FRY: variants seen among roughly 807,000 people sequenced by gnomAD.
The protein encoded by FRY is FRY microtubule binding protein.
Under a neutral mutation model 348.4 loss-of-function variants are expected in FRY, and 128 were observed. The observed-to-expected ratio is 0.37, with a 90% CI of 0.32 to 0.43. The LOEUF is 0.43. FRY is among the 20% of genes least tolerant of loss of function. FRY has a pLI of 1.00. For synonymous variants in FRY, 1,370 were observed against 1,374.7 expected (o/e 1.00, Z 0.08); for missense variants, 2,736 against 3,695.2 (o/e 0.74, Z 6.73).
At chr13:32,251,795 C>A in intron 49 of FRY, 83 bp from the exon 50 acceptor site, 2 of 828,146 alleles carry the variant, frequency 2.4e-6, no homozygotes, top group Non-Finnish European at 2.2e-6. Flanking sequence ...GTGCTATTGC[C>A]CTGTATGGCT....
chr13:32,165,914 C>T lies in FRY; in HGVS notation c.1892+4663C>T, dbSNP rs145364819. On this transcript the variant is annotated intron_variant, in intron 17 of 60. Coordinates refer to ENST00000542859, the MANE Select transcript of FRY (RefSeq NM_023037.3). ...ACATGTCCTGACTTGTTCAGTAGCA[C>T]CCTTGTCTGAGCAGCACGTGCCCTT... Among the ~76,000 whole-genome samples the T allele has an allele frequency of 2.3e-3, 355 of 152,302 alleles. 1 individual carries two copies. The highest frequency in any genetic ancestry group is 8.2e-3 in the African/African-American group (341 of 41,576).
At chr13:32,196,596 G>T (rs572907031) in intron 29 of FRY, among the ~76,000 whole-genome samples, 3 of 151,982 alleles carry the variant, frequency 2.0e-5, no homozygotes, top group African/African-American at 4.8e-5. Context: ...GTGTGTGTGT[G>T]CATGTGTTGT....
At chr13:32,266,148 A>G (rs1052269951) in intron 54 of FRY, among the ~76,000 whole-genome samples, 7 of 152,216 alleles carry the variant, frequency 4.6e-5, no homozygotes, top group Admixed American at 3.3e-4. Context: ...TAATAATGCT[A>G]CAGATCTACT....
chr13:32,196,245 G>A (rs1351903761), intron 29 of FRY, among the ~76,000 whole-genome samples: 1 of 152,126 alleles, frequency 6.6e-6, no homozygotes, highest in Non-Finnish European at 1.5e-5. Context: ...ATTTTCTAAA[G>A]CAAAGAATTC....
intron 2 of FRY, among the ~76,000 whole-genome samples, chr13:32,088,264 T>C (rs1430366393): frequency 6.6e-6 from 1 of 152,204 alleles, no homozygotes; most frequent in Non-Finnish European, 1.5e-5. Context: ...TTGAGTGTAG[T>C]GATAGAATCA....
At chr13:32,226,631 A>G (rs1885598399) in intron 39 of FRY, among the ~76,000 whole-genome samples, 1 of 152,224 alleles carries the variant, frequency 6.6e-6, no homozygotes, top group Admixed American at 6.5e-5. Context: ...ATTACCAACT[A>G]ACAGAGTTCA....
At chr13:32,253,107 A>C (rs1413281427) in intron 50 of FRY, among the ~76,000 whole-genome samples, 1 of 152,192 alleles carries the variant, frequency 6.6e-6, no homozygotes, top group Non-Finnish European at 1.5e-5. Context: ...CCTGGAGTAC[A>C]TTACAAATAA....
intron 36 of FRY, among the ~76,000 whole-genome samples, chr13:32,222,889 A>G (rs1470581958): frequency 6.6e-6 from 1 of 152,144 alleles, no homozygotes. Context: ...TTATTTGGGT[A>G]TGGGATATGA....
chr13:32,205,530 G>T (rs1884304836), intron 31 of FRY, among the ~76,000 whole-genome samples: 1 of 152,178 alleles, frequency 6.6e-6, no homozygotes, highest in African/African-American at 2.4e-5. Context: ...AACATAACGT[G>T]CAGGAACAGG....
At position 32,155,423 on chromosome 13, in the gene FRY, A is replaced by G. The variant is rs996028460; in HGVS notation, c.1480-68A>G. On this transcript the variant is annotated intron_variant, in intron 14 of 60. Coordinates refer to ENST00000542859, the MANE Select transcript of FRY (RefSeq NM_023037.3). ...CAATTCAGTCTTAACTATCTGAAAG[A>G]CTTATGGATGTATTCCACTACAATA... 3.6e-6 allele frequency: 4 copies of G among 1,124,460 alleles called. No individual in the cohort carries two copies. The South Asian group carries it at 3.7e-5, about 10-fold the overall frequency. 69.7% of individuals were successfully genotyped at this position (1,124,460 alleles called of 1,614,324 possible). A position where few individuals can be genotyped will look rare whatever the true frequency, so the allele number is the denominator to read the frequency against.
At chr13:32,141,252 A>T (rs1324373060) in intron 11 of FRY, among the ~76,000 whole-genome samples, 2 of 152,228 alleles carry the variant, frequency 1.3e-5, no homozygotes, top group Non-Finnish European at 2.9e-5. Context: ...TTTAGAGATT[A>T]TCCTAAACTG....
chr13:32,176,112 G>A (rs879607255), intron 20 of FRY, among the ~76,000 whole-genome samples: 1 of 152,188 alleles, frequency 6.6e-6, no homozygotes, highest in Non-Finnish European at 1.5e-5. Context: ...CCAGGGTCAA[G>A]TCTGGGCTCT....
chr13:32,063,147 T>C (rs1874045068), intron 1 of FRY, among the ~76,000 whole-genome samples: 1 of 152,250 alleles, frequency 6.6e-6, no homozygotes, highest in Admixed American at 6.5e-5. Context: ...TAACTTTAAT[T>C]TGCGATGTTT....
chr13:32,100,334 C>T (rs1160765710), intron 2 of FRY, among the ~76,000 whole-genome samples: 1 of 151,956 alleles, frequency 6.6e-6, no homozygotes, highest in Non-Finnish European at 1.5e-5. Flanking sequence ...CCGCCTCGGC[C>T]TCCCAAAGTG....
intron 14 of FRY, among the ~76,000 whole-genome samples, chr13:32,153,906 T>A (rs373288456): frequency 6.6e-6 from 1 of 152,160 alleles, no homozygotes; most frequent in African/African-American, 2.4e-5. Flanking sequence ...AGAGTTGTGA[T>A]GAACTATATG....
chr13:32,248,312 C>T (rs1200876451), intron 48 of FRY, among the ~76,000 whole-genome samples: 1 of 151,922 alleles, frequency 6.6e-6, no homozygotes, highest in Admixed American at 6.6e-5. Flanking sequence ...TGTTCTCACT[C>T]ATAAGTAGGA....
intron 56 of FRY, chr13:32,275,281 G>A (rs542682580): frequency 8.9e-5 from 27 of 302,582 alleles, no homozygotes; most frequent in African/African-American, 2.8e-4. Context: ...CCAGCTACTC[G>A]GGAGGCTGAG....
chr13:32,123,657 A>T (rs1410193904), intron 4 of FRY, among the ~76,000 whole-genome samples: 1 of 152,198 alleles, frequency 6.6e-6, no homozygotes, highest in Non-Finnish European at 1.5e-5. Flanking sequence ...CAGGTGGTAG[A>T]ATTGCAGAGT....
intron 47 of FRY, among the ~76,000 whole-genome samples, chr13:32,245,517 GGA>G (rs1298711890): frequency 1.3e-5 from 2 of 152,068 alleles, no homozygotes; most frequent in Non-Finnish European, 2.9e-5. Flanking sequence ...AGGAGGCTGG[GGA>G]GAGAGTTTCC....
Sources: allele counts gnomAD v4.1 joint callset (sites outside exome capture counted in the v4.1 genomes callset), GRCh38; gene constraint gnomAD v4.1.1; transcripts MANE v1.5; gene names NCBI Gene and HGNC (gene_info 2026-07-23, HGNC 2026-07-21).